The following LATS2 variants were observed in gnomAD, a reference collection of about 807,000 sequenced individuals.
The protein encoded by LATS2 is serine/threonine-protein kinase LATS2.
A neutral mutation model predicts 76.0 loss-of-function variants in LATS2; 24 were observed. The observed-to-expected ratio is 0.32, with a 90% CI of 0.23 to 0.44. The LOEUF is 0.44. LATS2 is among the 20% of genes least tolerant of loss of function. The probability of loss-of-function intolerance (pLI) is 1.00; values close to 1 mark genes in which losing one functional copy is unlikely to be tolerated. For synonymous variants in LATS2, 692 were observed against 635.4 expected (o/e 1.09, Z -1.34); for missense variants, 1,286 against 1,481.2 (o/e 0.87, Z 2.16).
chr13:20,998,182 C>A (rs1033109455), intron 2 of LATS2, among the ~76,000 whole-genome samples: 1 of 151,896 alleles, frequency 6.6e-6, no homozygotes, highest in Non-Finnish European at 1.5e-5. Context: ...GCAAGACCCG[C>A]ATGTTTGTAA....
chr13:21,061,058 C>T (rs1299987827), intron 1 of LATS2, among the ~76,000 whole-genome samples: 1 of 151,706 alleles, frequency 6.6e-6, no homozygotes, highest in African/African-American at 2.4e-5. Flanking sequence ...CCGCTGCCCC[C>T]GCCCGACGCC....
intron 3 of LATS2, 99 bp from the exon 4 acceptor site, chr13:20,989,403 T>A: frequency 7.9e-7 from 1 of 1,268,474 alleles, no homozygotes; most frequent in Non-Finnish European, 1.1e-6. Flanking sequence ...CCCTCGGGGC[T>A]GAGGGTCTTG....
intron 2 of LATS2, among the ~76,000 whole-genome samples, chr13:21,009,458 A>C (rs898456426): frequency 6.6e-5 from 10 of 152,222 alleles, no homozygotes; most frequent in African/African-American, 2.4e-4. Context: ...TGGGCCCAGC[A>C]AGTCATGTCT....
At chr13:21,037,279 C>T (rs1872713051) in intron 2 of LATS2, among the ~76,000 whole-genome samples, 1 of 152,144 alleles carries the variant, frequency 6.6e-6, no homozygotes, top group Non-Finnish European at 1.5e-5. Flanking sequence ...CGGTGGGTGC[C>T]TGTAATTCCA....
chr13:21,010,979 T>C (rs540415754), intron 2 of LATS2, among the ~76,000 whole-genome samples: 18 of 152,388 alleles, frequency 1.2e-4, no homozygotes, highest in African/African-American at 1.9e-4. Context: ...TCAGTTTACA[T>C]TGAAGGCTGC....
At chr13:20,976,519 G>A (rs1208463031) in intron 7 of LATS2, among the ~76,000 whole-genome samples, 1 of 152,056 alleles carries the variant, frequency 6.6e-6, no homozygotes, top group Non-Finnish European at 1.5e-5. Flanking sequence ...CAAAATGGGA[G>A]AACAGATTTC....
At chr13:21,054,963 G>A (rs552688504) in intron 1 of LATS2, among the ~76,000 whole-genome samples, 3 of 152,140 alleles carry the variant, frequency 2.0e-5, no homozygotes, top group South Asian at 4.2e-4. Context: ...TACCACAAGG[G>A]CTGTCCCTGT....
chr13:21,060,262 T>G (rs2138424107), intron 1 of LATS2, among the ~76,000 whole-genome samples: 1 of 152,140 alleles, frequency 6.6e-6, no homozygotes, highest in Non-Finnish European at 1.5e-5. Context: ...AGTTCTGGAG[T>G]TGGGCTGAAG....
chr13:21,022,541 C>G (rs1348800340), intron 2 of LATS2, among the ~76,000 whole-genome samples: 2 of 152,160 alleles, frequency 1.3e-5, no homozygotes, highest in African/African-American at 4.8e-5. Context: ...TTGTTCTAAC[C>G]ACGCAAAACA....
At position 20,973,207 on chromosome 13, in the gene LATS2, G is replaced by A. The variant is rs1051872678; in HGVS notation, c.*1663C>T. ...ACGACTATAAAATAGCGAGAATACT[G>A]ACAGTCACGACGACAGGCACAGCAG... On this transcript the variant is annotated 3_prime_UTR_variant, in exon 8 of 8. Coordinates refer to ENST00000382592, the MANE Select transcript of LATS2 (RefSeq NM_014572.3). 4.3e-6 allele frequency: 1 copy of A among 232,664 alleles called. No homozygotes were observed. Among genetic ancestry groups the A allele is most frequent in the Non-Finnish European group, 8.5e-6 (1 of 117,466 alleles). 14.4% of individuals were successfully genotyped at this position (232,664 alleles called of 1,614,324 possible). A position where few individuals can be genotyped will look rare whatever the true frequency, so the allele number is the denominator to read the frequency against.
At position 20,981,508 on chromosome 13, in the gene LATS2, C is replaced by A; in HGVS notation, c.2623G>T (p.Gly875Trp). 1 of 1,614,084 alleles carries A rather than the reference C, an allele frequency of 6.2e-7. No homozygotes were observed. The highest frequency in any genetic ancestry group is 8.5e-7 in the Non-Finnish European group (1 of 1,180,022). ...HQRCLAHSLV[G>W]TPNYIAPEVL... ...TCGGGTGCGATGTAGTTTGGAGTCCCCACCAGTGAATGTGCCAGGCACCTC... is the reference window on the plus strand; with the variant it reads ...TCGGGTGCGATGTAGTTTGGAGTCCACACCAGTGAATGTGCCAGGCACCTC... Residue 875 changes from glycine to tryptophan, a missense_variant, in exon 6 of 8, where the codon GGG becomes TGG. This residue lies in a region of LATS2 where 247 missense variants were observed against 385.4 expected (regional missense o/e 0.64). Coordinates refer to ENST00000382592, the MANE Select transcript of LATS2 (RefSeq NM_014572.3).
At chr13:21,020,679 ATGTAGGGACAC>A in intron 2 of LATS2, among the ~76,000 whole-genome samples, 1 of 152,276 alleles carries the variant, frequency 6.6e-6, no homozygotes, top group East Asian at 1.9e-4. Context: ...GCCTCTCTCC[ATGTAGGGACAC>A]TGTCCAGGGG....
chr13:21,049,911 AGG>A, intron 1 of LATS2, among the ~76,000 whole-genome samples: 1 of 152,084 alleles, frequency 6.6e-6, no homozygotes, highest in Non-Finnish European at 1.5e-5. Context: ...ACTTGAGGCC[AGG>A]AGTTTGAGAC....
At chr13:21,061,015 G>GC (rs140482337) in intron 1 of LATS2, among the ~76,000 whole-genome samples, 11,529 of 150,928 alleles carry the variant, frequency 0.076, 1,491 homozygotes, top group African/African-American at 0.27. Context: ...GATCCCGGCC[G>GC]CCCCGGTCGC....
At chr13:21,060,888 C>A (rs1161144533) in intron 1 of LATS2, among the ~76,000 whole-genome samples, 2 of 151,342 alleles carry the variant, frequency 1.3e-5, no homozygotes, top group African/African-American at 2.4e-5. Flanking sequence ...GGCGCCCGGC[C>A]GGGCGTCTAG....
intron 2 of LATS2, among the ~76,000 whole-genome samples, chr13:21,009,197 A>C (rs1332924159): frequency 6.6e-6 from 1 of 152,232 alleles, no homozygotes; most frequent in Non-Finnish European, 1.5e-5. Flanking sequence ...ATGAATAAAG[A>C]AGCAGATGTG....
intron 2 of LATS2, among the ~76,000 whole-genome samples, chr13:21,012,548 G>C (rs1459064914): frequency 6.6e-6 from 1 of 152,182 alleles, no homozygotes; most frequent in East Asian, 1.9e-4. Context: ...TTTATTACCA[G>C]GTGTTTCATT....
intron 7 of LATS2, among the ~76,000 whole-genome samples, chr13:20,976,444 A>T (rs1309315090): frequency 2.0e-5 from 3 of 152,222 alleles, no homozygotes; most frequent in African/African-American, 2.4e-5. Flanking sequence ...GAAAAAATAA[A>T]TTGGACTGCA....
In LATS2 at chr13:20,975,058, A is replaced by T; in HGVS notation, c.3079T>A (p.Ser1027Thr). ...GSTKAWDTLT[S>T]PNNKHPEHAF... Reference sequence around the variant, plus strand: ...TGCTCAGGATGCTTGTTATTGGGCGAGGTGAGTGTGTCCCAGGCCTTGGTG... The same window carrying T: ...TGCTCAGGATGCTTGTTATTGGGCGTGGTGAGTGTGTCCCAGGCCTTGGTG... Residue 1027 changes from serine to threonine, a missense_variant, in exon 8 of 8, where the codon TCG becomes ACG. Ser to Thr is a moderately conservative substitution (Grantham distance 58). Around this residue, in one of 5 missense-constraint regions of LATS2, gnomAD observed 210 missense variants for 234.9 expected, o/e 0.89. Transcript: ENST00000382592. 6.2e-7 allele frequency: 1 copy of T among 1,614,188 alleles called. No individual in the cohort carries two copies. Among genetic ancestry groups the T allele is most frequent in the Non-Finnish European group, 8.5e-7 (1 of 1,180,026 alleles).
Sources: gnomAD v4.1 joint callset for allele counts (sites outside exome capture counted in the v4.1 genomes callset) on GRCh38, gnomAD v4.1.1 for gene constraint, gnomAD v4.1.1 regional missense constraint, MANE v1.5 for transcripts, NCBI Gene and HGNC (gene_info 2026-07-23, HGNC 2026-07-21) for gene names.